Variants in CNTNAP2 observed in about 807,000 individuals in gnomAD.
The protein encoded by CNTNAP2 is contactin associated protein 2.
CNTNAP2 carries 98 observed loss-of-function variants against 155.2 expected under a neutral mutation model. That is an observed-to-expected ratio of 0.63 (90% CI 0.54 to 0.75). CNTNAP2 has a LOEUF of 0.75. CNTNAP2 is among the 30% of genes least tolerant of loss of function. The pLI is 0.00. For missense variants in CNTNAP2, 1,727 were observed against 1,688.1 expected, an observed-to-expected ratio of 1.02 and a Z score of -0.40; for synonymous variants, 651 against 631.2, an observed-to-expected ratio of 1.03 and a Z score of -0.47.
At chr7:146,934,511 A>G (rs1289481255) in intron 3 of CNTNAP2, among the ~76,000 whole-genome samples, 4 of 151,838 alleles carry the variant, frequency 2.6e-5, no homozygotes, top group South Asian at 2.1e-4. Context: ...TGACGAGTTA[A>G]TGGGTGCAGC....
chr7:148,194,153 G>A (rs1384560537), intron 18 of CNTNAP2, among the ~76,000 whole-genome samples: 2 of 150,700 alleles, frequency 1.3e-5, no homozygotes, highest in African/African-American at 4.9e-5. Flanking sequence ...GTGTGTGTGT[G>A]TGTGTGTGTG....
intron 1 of CNTNAP2, among the ~76,000 whole-genome samples, chr7:146,721,860 TGTGTGTGTGTG>T: frequency 2.2e-5 from 2 of 89,438 alleles, no homozygotes; most frequent in African/African-American, 2.8e-4. Flanking sequence ...TACATTTATA[TGTGTGTGTGTG>T]TGTGTATATA....
chr7:148,312,310 G>A (rs533590216), intron 21 of CNTNAP2, among the ~76,000 whole-genome samples: 14 of 152,286 alleles, frequency 9.2e-5, no homozygotes, highest in Admixed American at 2.0e-4. Flanking sequence ...AGCCAGACAC[G>A]ATCAGCAGGG....
rs1563211693 is a variant in CNTNAP2, at chr7:148,137,679, AGG to A, written c.2555-9811_2555-9810del. On this transcript the variant is annotated intron_variant, in intron 16 of 23. Transcript: ENST00000361727. ...TCTATCTCAGAAAAAAAAGGAAGGAAGGAAGGAAGGAAGGAAGGAAGGAAGGA... is the reference window on the plus strand; with the variant it reads ...TCTATCTCAGAAAAAAAAGGAAGGAAAAGGAAGGAAGGAAGGAAGGAAGGA... 1.5e-3 allele frequency among the ~76,000 whole-genome samples: 136 copies of A among 93,518 alleles called. 1 individual carries two copies. Among genetic ancestry groups the A allele is most frequent in the African/African-American group, 5.8e-3 (132 of 22,738 alleles). The allele number at this position is 93,518 out of a possible 152,430, so 61.4% of individuals were successfully genotyped here. A position where few individuals can be genotyped will look rare whatever the true frequency, so the allele number is the denominator to read the frequency against.
intron 1 of CNTNAP2, among the ~76,000 whole-genome samples, chr7:146,473,530 A>G (rs1796830463): frequency 6.6e-6 from 1 of 152,198 alleles, no homozygotes; most frequent in African/African-American, 2.4e-5. Context: ...TTTGATCTAA[A>G]CCATCTCTTG....
At chr7:146,119,550 A>G (rs185756929) in intron 1 of CNTNAP2, among the ~76,000 whole-genome samples, 1 of 152,286 alleles carries the variant, frequency 6.6e-6, no homozygotes, top group Admixed American at 6.5e-5. Flanking sequence ...CTGTAAATGT[A>G]GATACACGGG....
intron 15 of CNTNAP2, among the ~76,000 whole-genome samples, chr7:148,077,306 CAA>C (rs57228380): frequency 3.6e-5 from 5 of 139,640 alleles, no homozygotes; most frequent in Admixed American, 7.1e-5. Context: ...GACTTCATCT[CAA>C]AAAAAAAAAA....
intron 1 of CNTNAP2, among the ~76,000 whole-genome samples, chr7:146,772,425 G>A (rs746181709): frequency 2.7e-5 from 4 of 150,814 alleles, no homozygotes; most frequent in Non-Finnish European, 4.4e-5. Flanking sequence ...TTGGGAGGCC[G>A]AGGCGAGCAG....
At chr7:148,009,641 T>C (rs1052250224) in intron 15 of CNTNAP2, among the ~76,000 whole-genome samples, 4 of 152,150 alleles carry the variant, frequency 2.6e-5, no homozygotes, top group Admixed American at 2.6e-4. Flanking sequence ...TGTGTATGTG[T>C]ATGTGTGTGC....
chr7:148,231,694 G>A (rs143307845), intron 20 of CNTNAP2, among the ~76,000 whole-genome samples: 2 of 152,122 alleles, frequency 1.3e-5, no homozygotes, highest in African/African-American at 4.8e-5. Context: ...ACCGGAAGAA[G>A]GGGTCCTAGT....
intron 1 of CNTNAP2, among the ~76,000 whole-genome samples, chr7:146,667,082 T>G (rs1800208527): frequency 6.6e-6 from 1 of 152,128 alleles, no homozygotes; most frequent in Non-Finnish European, 1.5e-5. Flanking sequence ...CTTGAAGAAT[T>G]TATGCTCTTT....
chr7:146,861,137 T>C (rs112355098), intron 3 of CNTNAP2, among the ~76,000 whole-genome samples: 5 of 152,228 alleles, frequency 3.3e-5, no homozygotes, highest in African/African-American at 1.2e-4. Context: ...CTCGTTTCAC[T>C]GCAACCTCCG....
intron 11 of CNTNAP2, among the ~76,000 whole-genome samples, chr7:147,543,371 A>G (rs563347939): frequency 1.3e-5 from 2 of 152,290 alleles, no homozygotes; most frequent in African/African-American, 4.8e-5. Context: ...ACCTTCCAGC[A>G]TGGGTGTTAG....
At chr7:146,611,697 C>T (rs979144853) in intron 1 of CNTNAP2, among the ~76,000 whole-genome samples, 1 of 152,118 alleles carries the variant, frequency 6.6e-6, no homozygotes, top group Admixed American at 6.5e-5. Flanking sequence ...GTGAGAGGTA[C>T]CCTTATTAAA....
At chr7:147,613,109 C>G (rs138196514) in intron 12 of CNTNAP2, among the ~76,000 whole-genome samples, 1 of 152,224 alleles carries the variant, frequency 6.6e-6, no homozygotes, top group African/African-American at 2.4e-5. Context: ...CAAAATAGCT[C>G]CAAGAATCAG....
intron 1 of CNTNAP2, among the ~76,000 whole-genome samples, chr7:146,629,694 T>TA (rs1352159198): frequency 6.6e-6 from 1 of 152,120 alleles, no homozygotes; most frequent in African/African-American, 2.4e-5. Context: ...GCCGTATATT[T>TA]AAAAAACAAT....
chr7:148,325,531 G>C (rs920379561), intron 21 of CNTNAP2, among the ~76,000 whole-genome samples: 2 of 152,174 alleles, frequency 1.3e-5, no homozygotes. Context: ...AGTTCCAATA[G>C]AAAACCATTT....
rs114245702 is a variant in CNTNAP2 at position 146,619,344 on chromosome 7, A to G, written c.98-154927A>G. 6.7e-3 allele frequency among the ~76,000 whole-genome samples: 1,018 copies of G among 152,190 alleles called. 8 individuals are homozygous for G. The highest frequency in any genetic ancestry group is 0.023 in the African/African-American group (971 of 41,552). ...TATTCCATCTTCATTATCACTATCCATTTTCTGTAACATTCAGAGTAGTTG... is the reference window on the plus strand; with the variant it reads ...TATTCCATCTTCATTATCACTATCCGTTTTCTGTAACATTCAGAGTAGTTG... On this transcript the variant is annotated intron_variant, in intron 1 of 23. Coordinates refer to ENST00000361727, the MANE Select transcript of CNTNAP2 (RefSeq NM_014141.6).
intron 1 of CNTNAP2, among the ~76,000 whole-genome samples, chr7:146,289,190 T>C (rs1350781414): frequency 6.6e-6 from 1 of 152,168 alleles, no homozygotes; most frequent in East Asian, 1.9e-4. Context: ...GCTGCTTTTT[T>C]CCATTGACCT....
Sources: gnomAD v4.1 joint callset for allele counts (sites outside exome capture counted in the v4.1 genomes callset) on GRCh38, gnomAD v4.1.1 for gene constraint, MANE v1.5 for transcripts, NCBI Gene and HGNC (gene_info 2026-07-23, HGNC 2026-07-21) for gene names.